EIF2AK3: variants seen among roughly 807,000 people sequenced by gnomAD.
EIF2AK3 encodes the protein eukaryotic translation initiation factor 2-alpha kinase 3.
Under a neutral mutation model 113.5 loss-of-function variants are expected in EIF2AK3, and 50 were observed. The observed-to-expected ratio is 0.44, with a 90% CI of 0.35 to 0.56. The LOEUF is 0.56. Among genes scored for constraint, EIF2AK3 ranks in the 20% least tolerant of loss-of-function variants. EIF2AK3 has a pLI of 0.00. For missense variants in EIF2AK3, 1,185 were observed against 1,378.0 expected, an observed-to-expected ratio of 0.86 and a Z score of 2.22; for synonymous variants, 448 against 495.4, an observed-to-expected ratio of 0.90 and a Z score of 1.27.
intron 9 of EIF2AK3, among the ~76,000 whole-genome samples, chr2:88,585,174 G>A (rs1674689159): frequency 6.6e-6 from 1 of 152,088 alleles, no homozygotes; most frequent in Admixed American, 6.6e-5. Flanking sequence ...ACATAGAGAA[G>A]AAGAAAAATG....
intron 3 of EIF2AK3, among the ~76,000 whole-genome samples, chr2:88,593,721 A>T (rs1336818229): frequency 6.6e-6 from 1 of 152,170 alleles, no homozygotes; most frequent in East Asian, 1.9e-4. Context: ...CTACAATATC[A>T]TTAATAAAAT....
At chr2:88,590,757 T>G in intron 5 of EIF2AK3, 61 bp downstream of exon 5, 1 of 1,591,266 alleles carries the variant, frequency 6.3e-7, no homozygotes, top group Non-Finnish European at 8.6e-7. Flanking sequence ...ACCCAATCAA[T>G]AAGTTTGGTC....
intron 2 of EIF2AK3, among the ~76,000 whole-genome samples, chr2:88,603,581 C>A (rs1415261952): frequency 1.3e-5 from 2 of 152,158 alleles, no homozygotes; most frequent in Non-Finnish European, 2.9e-5. Flanking sequence ...GTAGCAGATG[C>A]AAAAATCTGA....
chr2:88,622,985 G>A (rs1021454321), intron 1 of EIF2AK3, among the ~76,000 whole-genome samples: 1 of 152,160 alleles, frequency 6.6e-6, no homozygotes, highest in African/African-American at 2.4e-5. Context: ...AATTGAAGAA[G>A]CACCAGAGAT....
At chr2:88,558,869 GTTCTAAAGATGA>G in intron 16 of EIF2AK3, 36 bp downstream of exon 16, 1 of 1,450,654 alleles carries the variant, frequency 6.9e-7, no homozygotes, top group Non-Finnish European at 9.7e-7. Flanking sequence ...GACCGCTTAC[GTTCTAAAGATGA>G]TTCTAAAGAA....
At chr2:88,586,332 C>G (rs1674731782) in intron 8 of EIF2AK3, among the ~76,000 whole-genome samples, 1 of 151,882 alleles carries the variant, frequency 6.6e-6, no homozygotes. Flanking sequence ...CCATTCATAA[C>G]CTCATTAATA....
At chr2:88,611,512 T>C (rs1212577152) in intron 2 of EIF2AK3, among the ~76,000 whole-genome samples, 1 of 152,180 alleles carries the variant, frequency 6.6e-6, no homozygotes, top group Non-Finnish European at 1.5e-5. Context: ...TTTTCTTTTT[T>C]TTTTTCTATG....
intron 4 of EIF2AK3, among the ~76,000 whole-genome samples, chr2:88,592,306 A>C (rs1674907690): frequency 6.6e-6 from 1 of 152,212 alleles, no homozygotes; most frequent in Non-Finnish European, 1.5e-5. Context: ...CTTCAAGAAA[A>C]TTGAATAAGA....
At chr2:88,613,934 A>C in intron 1 of EIF2AK3, 81 bp from the exon 2 acceptor site, 1 of 1,319,280 alleles carries the variant, frequency 7.6e-7, no homozygotes, top group African/African-American at 1.5e-5. Flanking sequence ...AAAGAAAACC[A>C]GCCCATGTCC....
At chr2:88,583,570 C>A (rs755089029) in intron 9 of EIF2AK3, 28 bp from the exon 10 acceptor site, 29 of 1,534,170 alleles carry the variant, frequency 1.9e-5, no homozygotes, top group Non-Finnish European at 2.5e-5. Context: ...AAAATCACTA[C>A]CAGTACAAAG....
intron 1 of EIF2AK3, among the ~76,000 whole-genome samples, chr2:88,614,187 C>T (rs943327685): frequency 2.0e-5 from 3 of 152,160 alleles, no homozygotes; most frequent in Non-Finnish European, 4.4e-5. Flanking sequence ...CTTCCCTGAT[C>T]GTTCACTTAT....
At position 88,627,111 on chromosome 2, in the gene EIF2AK3, G is replaced by C; in HGVS notation, c.164C>G (p.Ser55Ter). The C allele has an allele frequency of 6.5e-7, 1 of 1,531,042 alleles. No homozygotes were observed. The highest frequency in any genetic ancestry group is 8.7e-7 in the Non-Finnish European group (1 of 1,146,402). 94.8% of individuals were successfully genotyped at this position (1,531,042 alleles called of 1,614,324 possible). A position where few individuals can be genotyped will look rare whatever the true frequency, so the allele number is the denominator to read the frequency against. Residue 55 changes from serine (S) to a stop codon, truncating the protein, a stop_gained, in exon 1 of 17, where the codon TCA becomes TGA. Coordinates refer to ENST00000303236, the MANE Select transcript of EIF2AK3 (RefSeq NM_004836.7). LOFTEE classifies it high-confidence loss of function. ...FGLGAAAAPT[S>*]ATRVPAAGAV... ...GCCCGCCGCCGGTACTCGCGTCGCTGAGGTGGGAGCAGCGGCCGCCCCGAG... is the reference window on the plus strand; with the variant it reads ...GCCCGCCGCCGGTACTCGCGTCGCTCAGGTGGGAGCAGCGGCCGCCCCGAG...
At chr2:88,623,746 C>T (rs894679818) in intron 1 of EIF2AK3, among the ~76,000 whole-genome samples, 6 of 152,264 alleles carry the variant, frequency 3.9e-5, no homozygotes, top group Admixed American at 2.6e-4. Context: ...GCGTATTTAT[C>T]TCCTGTTGAC....
rs113654985 is a variant in EIF2AK3 at position 88,587,817 on chromosome 2, T to C, written c.1429+165A>G. ...CCTAGCATGTGGCAAAAATGGGATC[T>C]GAACCCTGGCAACCTAACTTTGGAG... On this transcript the variant is annotated intron_variant, in intron 8 of 16. Coordinates refer to ENST00000303236, the MANE Select transcript of EIF2AK3 (RefSeq NM_004836.7). Among the ~76,000 whole-genome samples the C allele has an allele frequency of 6.6e-3, 1,008 of 152,324 alleles. 18 individuals carry two copies. Among genetic ancestry groups the C allele is most frequent in the African/African-American group, 0.023 (954 of 41,586 alleles).
chr2:88,575,466 A>C lies in EIF2AK3; in HGVS notation c.2037-20T>G. 1 of 1,602,052 alleles carries C rather than the reference A, an allele frequency of 6.2e-7. No homozygotes were observed. Among genetic ancestry groups the C allele is most frequent in the Non-Finnish European group, 8.5e-7 (1 of 1,179,736 alleles). ...TCTGTGCTAAAAGTGGGAGAAATAC[A>C]AAGGGGTAAGAGTGAATATATATTG... On this transcript the variant is annotated intron_variant, in intron 12 of 16. Coordinates refer to ENST00000303236, the MANE Select transcript of EIF2AK3 (RefSeq NM_004836.7).
At chr2:88,593,147 AATAT>A in intron 4 of EIF2AK3, 121 bp downstream of exon 4, 1 of 1,110,536 alleles carries the variant, frequency 9.0e-7, no homozygotes, top group Non-Finnish European at 1.3e-6. Flanking sequence ...GTATCAAAAA[AATAT>A]ATATATATAT....
intron 11 of EIF2AK3, among the ~76,000 whole-genome samples, chr2:88,578,403 C>T (rs1386178157): frequency 6.6e-6 from 1 of 151,880 alleles, no homozygotes; most frequent in East Asian, 1.9e-4. Context: ...CAAAAATTAG[C>T]CGAGTGTGGT....
chr2:88,568,175 G>A (rs1322883078), intron 14 of EIF2AK3, among the ~76,000 whole-genome samples: 1 of 152,106 alleles, frequency 6.6e-6, no homozygotes, highest in Admixed American at 6.5e-5. Context: ...CCTCCTCAAA[G>A]GCAGTTCCTA....
intron 16 of EIF2AK3, among the ~76,000 whole-genome samples, chr2:88,558,695 C>T (rs1673853085): frequency 6.6e-6 from 1 of 152,162 alleles, no homozygotes. Context: ...ATAAATTTCA[C>T]AGGTGCTACA....
Sources: gnomAD v4.1 joint callset for allele counts (sites outside exome capture counted in the v4.1 genomes callset) on GRCh38, gnomAD v4.1.1 for gene constraint, MANE v1.5 for transcripts, NCBI Gene and HGNC (gene_info 2026-07-23, HGNC 2026-07-21) for gene names.